EYA2: variants seen among roughly 807,000 people sequenced by gnomAD.
EYA2 encodes EYA transcriptional coactivator and phosphatase 2, also known as protein phosphatase EYA2.
EYA2 carries 31 observed loss-of-function variants against 69.2 expected under a neutral mutation model. That is an observed-to-expected ratio of 0.45 (90% confidence interval 0.34 to 0.60). The LOEUF (loss-of-function observed/expected upper bound fraction) is 0.60, where lower values mean the gene tolerates loss of function less well. EYA2 is among the 20% of genes least tolerant of loss of function. The pLI is 0.02. For missense variants in EYA2, 622 were observed against 701.2 expected (o/e 0.89, Z 1.28); for synonymous variants, 257 against 279.4 (o/e 0.92, Z 0.80).
intron 1 of EYA2, among the ~76,000 whole-genome samples, chr20:46,910,460 G>C (rs551573050): frequency 6.6e-6 from 1 of 152,240 alleles, no homozygotes; most frequent in East Asian, 1.9e-4. Flanking sequence ...GTGTGGACAC[G>C]CATCCAAACC....
intron 7 of EYA2, among the ~76,000 whole-genome samples, chr20:47,086,721 G>A (rs547209418): frequency 2.6e-5 from 4 of 152,192 alleles, no homozygotes; most frequent in Admixed American, 2.0e-4. Context: ...AGATTTGGGC[G>A]GGGACACAGA....
intron 1 of EYA2, among the ~76,000 whole-genome samples, chr20:46,896,585 C>T (rs961564716): frequency 6.6e-6 from 1 of 152,210 alleles, no homozygotes; most frequent in Non-Finnish European, 1.5e-5. Context: ...TAGACACTCT[C>T]ACACTTGGGT....
chr20:47,096,631 T>C (rs1431742061), intron 8 of EYA2, among the ~76,000 whole-genome samples: 1 of 152,204 alleles, frequency 6.6e-6, no homozygotes, highest in Non-Finnish European at 1.5e-5. Flanking sequence ...TCAAAAGATA[T>C]TGTCTCAAGT....
At chr20:47,072,069 G>T in intron 5 of EYA2, 116 bp from the exon 6 acceptor site, 2 of 916,064 alleles carry the variant, frequency 2.2e-6, no homozygotes, top group African/African-American at 1.6e-5. Flanking sequence ...CAGAGCTTCT[G>T]CCCAGCTGTC....
intron 1 of EYA2, among the ~76,000 whole-genome samples, chr20:46,917,105 C>A (rs1984944468): frequency 6.6e-6 from 1 of 152,008 alleles, no homozygotes; most frequent in Non-Finnish European, 1.5e-5. Context: ...AGGTGGGCAG[C>A]CTCCCCCCGA....
At chr20:47,161,714 G>A (rs1229648932) in intron 10 of EYA2, 1 of 193,364 alleles carries the variant, frequency 5.2e-6, no homozygotes, top group Non-Finnish European at 1.1e-5. Flanking sequence ...CCCCAAAACC[G>A]GATGTTTTCT....
chr20:47,026,749 A>G (rs1167392543), intron 5 of EYA2, among the ~76,000 whole-genome samples: 1 of 152,206 alleles, frequency 6.6e-6, no homozygotes, highest in African/African-American at 2.4e-5. Context: ...GTAGCAAATT[A>G]GAGACTAAAC....
intron 1 of EYA2, among the ~76,000 whole-genome samples, chr20:46,965,786 C>G (rs1979742353): frequency 6.6e-6 from 1 of 152,180 alleles, no homozygotes; most frequent in South Asian, 2.1e-4. Flanking sequence ...TACGAGTGGC[C>G]CTTTAGAATG....
chr20:47,185,939 A>G (rs1447692115), intron 15 of EYA2, among the ~76,000 whole-genome samples: 1 of 152,168 alleles, frequency 6.6e-6, no homozygotes, highest in Non-Finnish European at 1.5e-5. Context: ...GCGGTGCAGC[A>G]ATGAGCATTG....
intron 9 of EYA2, among the ~76,000 whole-genome samples, chr20:47,121,475 T>C (rs1326061252): frequency 6.6e-6 from 1 of 152,178 alleles, no homozygotes; most frequent in African/African-American, 2.4e-5. Context: ...TTGATTCATT[T>C]CATTCGTTGT....
At chr20:46,924,669 C>CA (rs10568771) in intron 1 of EYA2, among the ~76,000 whole-genome samples, 10,414 of 86,764 alleles carry the variant, frequency 0.12, 1,170 homozygotes, top group African/African-American at 0.14. Context: ...GACTCCATCT[C>CA]AAAAAAAAAA....
intron 7 of EYA2, among the ~76,000 whole-genome samples, chr20:47,076,508 A>C (rs1440027745): frequency 6.6e-6 from 1 of 152,158 alleles, no homozygotes; most frequent in South Asian, 2.1e-4. Flanking sequence ...TCTTCTTTTG[A>C]GAAGTGTCTG....
chr20:47,075,847 T>G (rs2031494862), intron 7 of EYA2, among the ~76,000 whole-genome samples: 1 of 152,224 alleles, frequency 6.6e-6, no homozygotes, highest in African/African-American at 2.4e-5. Context: ...AGTCCTCACC[T>G]TCCTTCCATC....
At position 46,990,083 on chromosome 20, in the gene EYA2, G is replaced by T; in HGVS notation, c.73G>T (p.Ala25Ser). 2 of 1,612,396 alleles carry T rather than the reference G, an allele frequency of 1.2e-6. No homozygotes were observed. The highest frequency in any genetic ancestry group is 1.7e-6 in the Non-Finnish European group (2 of 1,178,470). ...DCLDKLKFNR[A>S]DAAVWTLSDR... is the part of the protein sequence containing the mutation. ...TCTGGATAAACTGAAGTTTAACCGT[G>T]CTGACGCTGCTGTGTGGACTCTGAG... Residue 25 changes from alanine (A) to serine (S), a missense_variant, in exon 2 of 16, where the codon GCT becomes TCT. Coordinates refer to ENST00000327619, the MANE Select transcript of EYA2 (RefSeq NM_005244.5).
Position 47,063,392 on chromosome 20 carries a change from C to CGTGTGTGTGTGTGTGTGTGT in EYA2, c.416-8774_416-8755dup, listed in dbSNP as rs35187186. 7.8e-4 allele frequency among the ~76,000 whole-genome samples: 112 copies of CGTGTGTGTGTGTGTGTGTGT among 143,482 alleles called. 2 individuals are homozygous for CGTGTGTGTGTGTGTGTGTGT. Among genetic ancestry groups the CGTGTGTGTGTGTGTGTGTGT allele is most frequent in the East Asian group, 7.7e-3 (37 of 4,816 alleles). 94.1% of individuals were successfully genotyped at this position (143,482 alleles called of 152,430 possible). The stretch of plus-strand genomic sequence containing the variant: ...GTTTATTTGTGTGTGTGTGCGTGTG[C>CGTGTGTGTGTGTGTGTGTGT]GTGTGTGTGTGTGTGTGTGTGTGTG... On this transcript the variant is annotated intron_variant, in intron 5 of 15. Transcript: ENST00000327619.
chr20:47,171,667 C>T (rs1284927493), intron 11 of EYA2, among the ~76,000 whole-genome samples: 4 of 152,068 alleles, frequency 2.6e-5, no homozygotes, highest in African/African-American at 9.7e-5. Context: ...GCTCTGGGAC[C>T]CAAGCTCTTA....
chr20:46,927,301 G>C (rs1378995817), intron 1 of EYA2, among the ~76,000 whole-genome samples: 3 of 152,218 alleles, frequency 2.0e-5, no homozygotes, highest in Non-Finnish European at 4.4e-5. Flanking sequence ...TCAGTGGACA[G>C]TGTGACATAT....
chr20:47,140,895 T>C (rs1416862684), intron 9 of EYA2, among the ~76,000 whole-genome samples: 1 of 151,906 alleles, frequency 6.6e-6, no homozygotes, highest in African/African-American at 2.4e-5. Context: ...GGAAGGGGAG[T>C]CAACGTGTGC....
rs982276720 is a variant in EYA2 at position 47,179,822 on chromosome 20, A to G, written c.1223A>G (p.Glu408Gly). ...VGGLIGTPKR[E>G]TWLQLRAELE... ...GGGTTGATAGGCACTCCCAAAAGGGAGACCTGGCTACAGCTCCGAGCTGAG... is the reference window on the plus strand; with the variant it reads ...GGGTTGATAGGCACTCCCAAAAGGGGGACCTGGCTACAGCTCCGAGCTGAG... The change falls in exon 13 of 16, where the codon GAG (glutamate) becomes GGG (glycine). Residue 408 changes from glutamate (E) to glycine (G), a missense_variant. Coordinates refer to ENST00000327619, the MANE Select transcript of EYA2 (RefSeq NM_005244.5). 3 of 1,613,942 alleles carry G rather than the reference A, an allele frequency of 1.9e-6. No individual in the cohort carries two copies. The highest frequency in any genetic ancestry group is 2.5e-6 in the Non-Finnish European group (3 of 1,179,964).
Sources: allele counts gnomAD v4.1 joint callset (sites outside exome capture counted in the v4.1 genomes callset), GRCh38; gene constraint gnomAD v4.1.1; transcripts MANE v1.5; gene names NCBI Gene and HGNC (gene_info 2026-07-23, HGNC 2026-07-21).